The following NOL4L variants were observed in gnomAD, a reference collection of about 807,000 sequenced individuals.
The protein encoded by NOL4L is nucleolar protein 4 like.
Under a neutral mutation model 64.5 loss-of-function variants are expected in NOL4L, and 7 were observed. The ratio of observed to expected loss-of-function variants is 0.11; its 90% CI spans 0.06 to 0.20. The LOEUF (loss-of-function observed/expected upper bound fraction) is 0.20. Among genes scored for constraint, NOL4L ranks in the 10% least tolerant of loss-of-function variants. NOL4L has a pLI of 1.00. For synonymous variants in NOL4L, 413 were observed against 401.0 expected (o/e 1.03, Z -0.36); for missense variants, 680 against 967.1 (o/e 0.70, Z 3.94).
intron 4 of NOL4L, among the ~76,000 whole-genome samples, chr20:32,506,020 A>C (rs771816800): frequency 1.3e-5 from 2 of 152,200 alleles, no homozygotes; most frequent in Non-Finnish European, 2.9e-5. Context: ...TATATACTTA[A>C]ACGTGGTTAA....
Position 32,584,824 on chromosome 20 carries a change from G to A in NOL4L, c.67C>T (p.Leu23=). The A allele has an allele frequency of 6.6e-7, 1 of 1,515,692 alleles. No homozygotes were observed. Among genetic ancestry groups the A allele is most frequent in the Non-Finnish European group, 8.8e-7 (1 of 1,135,084 alleles). The allele number at this position is 1,515,692 out of a possible 1,614,324, so 93.9% of individuals were successfully genotyped here. The change falls in exon 1 of 11, where the codon CTG becomes TTG. Residue 23 remains leucine, a synonymous_variant. Transcript: ENST00000621426. The stretch of plus-strand genomic sequence containing the variant: ...CACCAGTCCCGGAACTGGCGGCCCA[G>A]CTCCGAGTCCCCGGGGCTGCGCTCG... ...ERERSPGDSE[L]GRQFRDWCLR...
chr20:32,562,272 C>T (rs1290276331), intron 1 of NOL4L, among the ~76,000 whole-genome samples: 2 of 152,150 alleles, frequency 1.3e-5, no homozygotes, highest in Admixed American at 6.5e-5. Context: ...ATCAGGCTTC[C>T]GGCTTCACTG....
At chr20:32,527,996 A>G in intron 1 of NOL4L, 83 bp from the exon 2 acceptor site, 1 of 920,766 alleles carries the variant, frequency 1.1e-6, no homozygotes, top group Non-Finnish European at 1.5e-6. Context: ...GCAAGGGGTC[A>G]GGACGGGCAA....
chr20:32,475,408 G>A (rs2015323968), intron 4 of NOL4L: 1 of 934,378 alleles, frequency 1.1e-6, no homozygotes, highest in African/African-American at 1.8e-5. Flanking sequence ...CGCAAAGGGG[G>A]TTCAGCTCAA....
intron 2 of NOL4L, among the ~76,000 whole-genome samples, chr20:32,527,303 T>C (rs1175994442): frequency 2.0e-5 from 3 of 152,138 alleles, no homozygotes; most frequent in Non-Finnish European, 1.5e-5. Context: ...CAGTCCTGAC[T>C]TCACAGGATG....
intron 4 of NOL4L, 37 bp downstream of exon 4, chr20:32,511,310 C>CGCCAGGCAAGTCAG: frequency 7.4e-7 from 1 of 1,345,586 alleles, no homozygotes; most frequent in South Asian, 1.3e-5. Flanking sequence ...CAAGTCAGGA[C>CGCCAGGCAAGTCAG]GCCTCCAGGT....
rs1287474278 is a variant in NOL4L at position 32,583,456 on chromosome 20, GGGGGGAGC to G, written c.321+1106_321+1113del. ...GGGCCGGCCGGGGGAGGAGCGCGGA[GGGGGGAGC>G]GGGGGAGCGGGGGAGGGAGGGAGGC... On this transcript the variant is annotated intron_variant, in intron 1 of 10. Coordinates refer to ENST00000621426, the MANE Select transcript of NOL4L (RefSeq NM_001256798.2). 5.4e-5 allele frequency among the ~76,000 whole-genome samples: 8 copies of G among 149,426 alleles called. No homozygotes were observed. The South Asian group carries it at 1.5e-3, about 28-fold the overall frequency.
chr20:32,538,765 C>CGGCAGGCGGGT (rs1568700766), intron 1 of NOL4L, among the ~76,000 whole-genome samples: 1 of 152,172 alleles, frequency 6.6e-6, no homozygotes, highest in Non-Finnish European at 1.5e-5. Context: ...GGGGAGGCAG[C>CGGCAGGCGGGT]GGCAGGCGGG....
At chr20:32,515,810 T>G (rs750905340) in intron 3 of NOL4L, among the ~76,000 whole-genome samples, 1 of 152,030 alleles carries the variant, frequency 6.6e-6, no homozygotes, top group African/African-American at 2.4e-5. Context: ...CTAGCAAGGG[T>G]CACGGAGCCT....
chr20:32,527,700 C>A (rs894772250), intron 2 of NOL4L, 58 bp downstream of exon 2: 2 of 1,500,296 alleles, frequency 1.3e-6, no homozygotes, highest in African/African-American at 1.4e-5. Context: ...GTGCGGAGCC[C>A]GTGGCCTCCT....
chr20:32,466,491 C>T (rs1160022699), intron 5 of NOL4L, among the ~76,000 whole-genome samples: 4 of 152,218 alleles, frequency 2.6e-5, no homozygotes, highest in African/African-American at 9.6e-5. Context: ...GGACACTTTC[C>T]TGTGACCCGG....
intron 1 of NOL4L, among the ~76,000 whole-genome samples, chr20:32,571,000 A>T (rs982162913): frequency 2.0e-5 from 3 of 152,130 alleles, no homozygotes; most frequent in Non-Finnish European, 4.4e-5. Flanking sequence ...TGTCCAAGCC[A>T]CACAGCGACT....
At chr20:32,566,103 G>T (rs1287960623) in intron 1 of NOL4L, among the ~76,000 whole-genome samples, 2 of 152,172 alleles carry the variant, frequency 1.3e-5, no homozygotes, top group Admixed American at 6.5e-5. Flanking sequence ...CCAGGCCTCA[G>T]GCTGGGCACT....
Position 32,447,728 on chromosome 20 carries a change from G to C in NOL4L, c.1911C>G (p.Pro637=), listed in dbSNP as rs766890241. The C allele has an allele frequency of 1.6e-5, 25 of 1,605,330 alleles. No individual in the cohort carries two copies. The highest frequency in any genetic ancestry group is 2.0e-5 in the Non-Finnish European group (24 of 1,175,156). Residue 637 remains proline, a synonymous_variant, in exon 11 of 11, where the codon CCC becomes CCG. Coordinates refer to ENST00000621426, the MANE Select transcript of NOL4L (RefSeq NM_001256798.2). The stretch of plus-strand genomic sequence containing the variant: ...TGGGGCTGAGCTGAGCGGTGGGCAC[G>C]GGCCTGCTGGTGCTGGTGCTGGAGG... ...PTPSSTSTSR[P]VPTAQLSPTE...
intron 4 of NOL4L, among the ~76,000 whole-genome samples, chr20:32,494,104 T>C (rs1568654788): frequency 6.6e-6 from 1 of 151,616 alleles, no homozygotes; most frequent in Non-Finnish European, 1.5e-5. Context: ...AATACAAAAA[T>C]TAGCTGGGTG....
chr20:32,544,727 G>A (rs1054422143), intron 1 of NOL4L, among the ~76,000 whole-genome samples: 2 of 152,134 alleles, frequency 1.3e-5, no homozygotes, highest in Non-Finnish European at 2.9e-5. Context: ...ACCAGCCCCA[G>A]GTCACACGGC....
At chr20:32,476,785 G>A (rs2015426201) in intron 4 of NOL4L, among the ~76,000 whole-genome samples, 1 of 152,246 alleles carries the variant, frequency 6.6e-6, no homozygotes, top group Non-Finnish European at 1.5e-5. Flanking sequence ...CGGCTGCAAA[G>A]CACATGGAAG....
Position 32,447,488 on chromosome 20 carries a change from A to C in NOL4L, c.*108T>G. 1 of 1,391,684 alleles carries C rather than the reference A, an allele frequency of 7.2e-7. No homozygotes were observed. The highest frequency in any genetic ancestry group is 9.4e-7 in the Non-Finnish European group (1 of 1,060,938). The allele number at this position is 1,391,684 out of a possible 1,614,324, so 86.2% of individuals were successfully genotyped here. ...GTGTGGCTAGAAACAGCTCTTTTGG[A>C]TCCCACCTCTTTCAAAAACAAAATG... is the stretch of plus-strand genomic sequence containing the variant. On this transcript the variant is annotated 3_prime_UTR_variant, in exon 11 of 11. Coordinates refer to ENST00000621426, the MANE Select transcript of NOL4L (RefSeq NM_001256798.2).
In NOL4L at chr20:32,585,075, T is replaced by A; in HGVS notation, c.-185A>T. The stretch of plus-strand genomic sequence containing the variant: ...CCGGACGCGCGGGGCTGCGGCGCGC[T>A]CTGTCCTGCTCGGGCGGCGGCGGCG... On this transcript the variant is annotated 5_prime_UTR_variant, in exon 1 of 11. Transcript: ENST00000621426. 1 of 169,342 alleles carries A rather than the reference T, an allele frequency of 5.9e-6. No individual in the cohort carries two copies. Among genetic ancestry groups the A allele is most frequent in the Non-Finnish European group, 1.1e-5 (1 of 88,606 alleles). 10.5% of individuals were successfully genotyped at this position (169,342 alleles called of 1,614,324 possible).
Sources: gnomAD v4.1 joint callset for allele counts (sites outside exome capture counted in the v4.1 genomes callset) on GRCh38, gnomAD v4.1.1 for gene constraint, MANE v1.5 for transcripts, NCBI Gene and HGNC (gene_info 2026-07-23, HGNC 2026-07-21) for gene names.